Variants in SIPA1L1 observed in about 807,000 individuals in gnomAD.
SIPA1L1 encodes the protein signal induced proliferation associated 1 like 1.
Under a neutral mutation model 162.7 loss-of-function variants are expected in SIPA1L1, and 26 were observed. The observed-to-expected ratio is 0.16, with a 90% confidence interval of 0.12 to 0.22. SIPA1L1 has a LOEUF of 0.22. SIPA1L1 is among the 10% of genes least tolerant of loss of function. The pLI is 1.00. For synonymous variants in SIPA1L1, 829 were observed against 837.4 expected (o/e 0.99, Z 0.17); for missense variants, 1,874 against 2,241.0 (o/e 0.84, Z 3.31).
intron 2 of SIPA1L1, among the ~76,000 whole-genome samples, chr14:71,328,148 G>A (rs1326264776): frequency 6.6e-6 from 1 of 152,138 alleles, no homozygotes; most frequent in Non-Finnish European, 1.5e-5. Context: ...CAGGAAGCAA[G>A]GTATAGTAAA....
intron 2 of SIPA1L1, among the ~76,000 whole-genome samples, chr14:71,429,832 T>G (rs2043851132): frequency 6.6e-6 from 1 of 152,194 alleles, no homozygotes; most frequent in African/African-American, 2.4e-5. Context: ...GCTTTGAAGT[T>G]GAAGGCTAGT....
intron 2 of SIPA1L1, among the ~76,000 whole-genome samples, chr14:71,405,038 C>T (rs182150596): frequency 6.6e-6 from 1 of 152,288 alleles, no homozygotes; most frequent in Non-Finnish European, 1.5e-5. Flanking sequence ...TTGAGGAAGA[C>T]TCAGTAAATA....
Position 71,504,935 on chromosome 14 carries a change from G to A in SIPA1L1, c.-464-7808G>A, listed in dbSNP as rs553454566. Among the ~76,000 whole-genome samples the A allele has an allele frequency of 2.8e-4, 43 of 152,168 alleles. 1 individual carries two copies. The South Asian group carries it at 8.9e-3, about 32-fold the overall frequency. ...GAAGATATGAAAATTTTTAATGAAG[G>A]ATCACTTTTGTAGACAAATTTGAGT... On this transcript the variant is annotated intron_variant, in intron 2 of 23. Coordinates refer to ENST00000381232, the MANE Select transcript of SIPA1L1 (RefSeq NM_001386936.1).
At chr14:71,666,520 G>C (rs545849376) in intron 10 of SIPA1L1, among the ~76,000 whole-genome samples, 2 of 152,292 alleles carry the variant, frequency 1.3e-5, no homozygotes, top group South Asian at 2.1e-4. Flanking sequence ...TAAAAGAGTT[G>C]TTATTCATTT....
chr14:71,600,650 A>G (rs190751960), intron 5 of SIPA1L1, among the ~76,000 whole-genome samples: 3 of 152,248 alleles, frequency 2.0e-5, no homozygotes, highest in East Asian at 3.9e-4. Context: ...GATATTTTGA[A>G]TGAGGATTTG....
intron 2 of SIPA1L1, among the ~76,000 whole-genome samples, chr14:71,408,827 T>G (rs757856591): frequency 1.3e-5 from 2 of 152,214 alleles, no homozygotes. Flanking sequence ...AGGAAGAGAC[T>G]GGAGTCAGAC....
rs1025704262 is a variant in SIPA1L1 at position 71,659,329 on chromosome 14, A to T, written c.2097+893A>T. Among the ~76,000 whole-genome samples, 16 of 152,320 alleles carry T rather than the reference A, an allele frequency of 1.1e-4. No individual in the cohort carries two copies. In the South Asian group the frequency reaches 3.3e-3, roughly 32 times the overall value. ...ATCCTCTTTCACAGAAGTTAACCAAACACTGATCTAATCTAACACTTTATC... is the reference window on the plus strand; with the variant it reads ...ATCCTCTTTCACAGAAGTTAACCAATCACTGATCTAATCTAACACTTTATC... On this transcript the variant is annotated intron_variant, in intron 9 of 23. Transcript: ENST00000381232.
intron 2 of SIPA1L1, among the ~76,000 whole-genome samples, chr14:71,334,614 G>C (rs139063914): frequency 2.6e-3 from 389 of 152,024 alleles, no homozygotes; most frequent in Non-Finnish European, 4.6e-3. Context: ...TAGGTGGGAG[G>C]GTATTGTAGT....
At chr14:71,351,138 G>A (rs546004893) in intron 2 of SIPA1L1, among the ~76,000 whole-genome samples, 66 of 152,252 alleles carry the variant, frequency 4.3e-4, no homozygotes, top group African/African-American at 1.5e-3. Context: ...AGGGGTTGTG[G>A]GGGCAGAAAT....
chr14:71,536,889 AC>A (rs1328870735), intron 4 of SIPA1L1, among the ~76,000 whole-genome samples: 1 of 152,246 alleles, frequency 6.6e-6, no homozygotes, highest in African/African-American at 2.4e-5. Flanking sequence ...AGGAAGCGAT[AC>A]GCAAATTTTA....
chr14:71,564,456 G>T (rs1596147962), intron 4 of SIPA1L1, among the ~76,000 whole-genome samples: 1 of 126,388 alleles, frequency 7.9e-6, no homozygotes, highest in Non-Finnish European at 1.6e-5. Flanking sequence ...CCTCTTCCTT[G>T]ATGTCCTGAC....
chr14:71,718,632 G>A (rs1035508508), intron 17 of SIPA1L1, among the ~76,000 whole-genome samples: 1 of 152,102 alleles, frequency 6.6e-6, no homozygotes, highest in African/African-American at 2.4e-5. Flanking sequence ...CCTGAGCAAT[G>A]GAGCAAGACC....
intron 2 of SIPA1L1, among the ~76,000 whole-genome samples, chr14:71,430,471 T>C (rs887141557): frequency 6.6e-5 from 10 of 152,200 alleles, no homozygotes; most frequent in Non-Finnish European, 1.0e-4. Context: ...TCATCAGTAT[T>C]CTGAGCCTCA....
At chr14:71,443,565 A>G (rs1234514353) in intron 2 of SIPA1L1, among the ~76,000 whole-genome samples, 4 of 152,286 alleles carry the variant, frequency 2.6e-5, no homozygotes, top group Middle Eastern at 3.4e-3. Flanking sequence ...ATGACATGCA[A>G]TAAGACCTTT....
At chr14:71,459,563 C>T (rs2141844812) in intron 2 of SIPA1L1, among the ~76,000 whole-genome samples, 1 of 152,204 alleles carries the variant, frequency 6.6e-6, no homozygotes, top group East Asian at 1.9e-4. Context: ...GAGAGCCAGT[C>T]CGAGTCTCAA....
At chr14:71,577,262 G>T (rs1159093350) in intron 4 of SIPA1L1, among the ~76,000 whole-genome samples, 1 of 151,994 alleles carries the variant, frequency 6.6e-6, no homozygotes, top group Non-Finnish European at 1.5e-5. Flanking sequence ...TGCAGAAGTG[G>T]TACACAGGCT....
rs773940303 is a variant in SIPA1L1, at chr14:71,730,126, A to G, written c.4686A>G (p.Thr1562=). The G allele has an allele frequency of 1.1e-5, 18 of 1,613,972 alleles. No individual in the cohort carries two copies. The Admixed American group carries it at 2.0e-4, about 18-fold the overall frequency. Residue 1562 remains threonine (T), a synonymous_variant, in exon 20 of 24, where the codon ACA becomes ACG. Transcript: ENST00000381232. ...CCTCACGGCGGGCCTTGCACAGAAC[A>G]CTGTCGGACGAGAGCATTTACAATA... ...TPTSRRALHR[T]LSDESIYNSQ...
At chr14:71,328,514 G>GCC (rs2034098837) in intron 2 of SIPA1L1, among the ~76,000 whole-genome samples, 1 of 152,168 alleles carries the variant, frequency 6.6e-6, no homozygotes, top group Admixed American at 6.5e-5. Context: ...ATAATTTTTA[G>GCC]ATCTATGCTT....
intron 2 of SIPA1L1, among the ~76,000 whole-genome samples, chr14:71,340,801 T>C (rs2035574208): frequency 6.6e-6 from 1 of 152,146 alleles, no homozygotes; most frequent in Non-Finnish European, 1.5e-5. Context: ...TAGCCAGGCA[T>C]GGTGGTGCAT....
Sources: allele counts gnomAD v4.1 joint callset (sites outside exome capture counted in the v4.1 genomes callset), GRCh38; gene constraint gnomAD v4.1.1; transcripts MANE v1.5; gene names NCBI Gene and HGNC (gene_info 2026-07-23, HGNC 2026-07-21).